ANKRD44: variants seen among roughly 807,000 people sequenced by gnomAD.
The protein encoded by ANKRD44 is ankyrin repeat domain 44.
Under a neutral mutation model 116.0 loss-of-function variants are expected in ANKRD44, and 35 were observed. That is an observed-to-expected ratio of 0.30 (90% CI 0.23 to 0.40). The LOEUF is 0.40. Among genes scored for constraint, ANKRD44 ranks in the 10% least tolerant of loss-of-function variants. The probability of loss-of-function intolerance (pLI) is 1.00; values close to 1 mark genes in which losing one functional copy is unlikely to be tolerated. For synonymous variants in ANKRD44, 435 were observed against 461.8 expected, an observed-to-expected ratio of 0.94 and a Z score of 0.74; for missense variants, 1,014 against 1,242.6, an observed-to-expected ratio of 0.82 and a Z score of 2.77.
At chr2:197,163,524 C>G (rs1435684275) in intron 2 of ANKRD44, among the ~76,000 whole-genome samples, 1 of 152,158 alleles carries the variant, frequency 6.6e-6, no homozygotes, top group African/African-American at 2.4e-5. Flanking sequence ...TTAGAGGCTC[C>G]CATTAGAATG....
intron 1 of ANKRD44, chr2:197,299,598 A>C (rs1272952391): frequency 6.6e-6 from 1 of 152,336 alleles, no homozygotes; most frequent in South Asian, 2.1e-4. Context: ...AACAAACATC[A>C]TATGTTCTCA....
intron 17 of ANKRD44, among the ~76,000 whole-genome samples, chr2:197,016,418 T>C (rs1274028284): frequency 4.5e-5 from 3 of 66,602 alleles, no homozygotes; most frequent in Middle Eastern, 6.0e-3. Flanking sequence ...TCCATTTTTC[T>C]ACATTTTAAT....
At chr2:196,982,980 G>C (rs1189565334), downstream of ANKRD44, among the ~76,000 whole-genome samples, 1 of 152,190 alleles carries the variant, frequency 6.6e-6, no homozygotes, top group Non-Finnish European at 1.5e-5. Flanking sequence ...TGAACAATGG[G>C]AACACATGGA....
chr2:197,222,407 A>G (rs964484262), intron 1 of ANKRD44, among the ~76,000 whole-genome samples: 1 of 152,260 alleles, frequency 6.6e-6, no homozygotes, highest in Non-Finnish European at 1.5e-5. Context: ...ACTTCAAAGA[A>G]GATGGAAGTT....
intron 8 of ANKRD44, among the ~76,000 whole-genome samples, chr2:197,119,031 T>C (rs1413828584): frequency 1.3e-5 from 2 of 152,196 alleles, no homozygotes; most frequent in African/African-American, 4.8e-5. Flanking sequence ...CTTTTTCTTA[T>C]TGATTTGTAT....
At chr2:197,055,999 C>CTCA (rs1413770203) in intron 16 of ANKRD44, among the ~76,000 whole-genome samples, 2 of 152,132 alleles carry the variant, frequency 1.3e-5, no homozygotes, top group East Asian at 3.9e-4. Flanking sequence ...AAGTGATCCT[C>CTCA]TCACCTCAGC....
rs554284842 is a variant in ANKRD44, at chr2:197,298,715, C to T, written c.27+11863G>A. On this transcript the variant is annotated intron_variant, in intron 1 of 27. Transcript: ENST00000282272. ...AGCAGATCACTTGATTCCAGGAGTT[C>T]GAGACCAGCCTGGGCAACATGGTGA... 2.6e-5 allele frequency among the ~76,000 whole-genome samples: 4 copies of T among 152,060 alleles called. No homozygotes were observed. The East Asian group carries it at 5.8e-4, about 22-fold the overall frequency.
At chr2:197,291,258 C>T (rs1196020869) in intron 1 of ANKRD44, among the ~76,000 whole-genome samples, 4 of 152,152 alleles carry the variant, frequency 2.6e-5, no homozygotes, top group South Asian at 2.1e-4. Context: ...GCCTGTAATC[C>T]GAGCACTTTG....
At chr2:197,113,935 T>A (rs891096305) in intron 8 of ANKRD44, among the ~76,000 whole-genome samples, 1 of 152,150 alleles carries the variant, frequency 6.6e-6, no homozygotes, top group Non-Finnish European at 1.5e-5. Flanking sequence ...ACAGAAAGCA[T>A]TAAGAGTATC....
chr2:197,288,287 C>T (rs2083463712), intron 1 of ANKRD44, among the ~76,000 whole-genome samples: 1 of 152,152 alleles, frequency 6.6e-6, no homozygotes, highest in South Asian at 2.1e-4. Context: ...TTCACTACAT[C>T]TGAGAGGAAA....
At chr2:197,113,234 A>C (rs1434815760) in intron 8 of ANKRD44, among the ~76,000 whole-genome samples, 4 of 152,330 alleles carry the variant, frequency 2.6e-5, no homozygotes, top group African/African-American at 9.6e-5. Context: ...CTGATTCCAG[A>C]GCTAGGCCTT....
intron 2 of ANKRD44, among the ~76,000 whole-genome samples, chr2:197,153,270 G>C (rs2079709237): frequency 6.9e-6 from 1 of 145,140 alleles, no homozygotes; most frequent in African/African-American, 2.6e-5. Context: ...AGAAGAGGAA[G>C]AAGAGGAAGA....
intron 16 of ANKRD44, among the ~76,000 whole-genome samples, chr2:197,055,018 T>G (rs2077177546): frequency 1.3e-5 from 2 of 152,186 alleles, no homozygotes; most frequent in African/African-American, 4.8e-5. Context: ...TCTCATTCTC[T>G]AAAGCCCTTT....
intron 1 of ANKRD44, among the ~76,000 whole-genome samples, chr2:197,279,977 C>T (rs2083216681): frequency 6.6e-6 from 1 of 152,218 alleles, no homozygotes. Flanking sequence ...TGAGCCACCA[C>T]TACTATAAGA....
intron 9 of ANKRD44, among the ~76,000 whole-genome samples, chr2:197,108,122 G>A (rs1255701904): frequency 6.6e-6 from 1 of 152,156 alleles, no homozygotes; most frequent in African/African-American, 2.4e-5. Context: ...TTATAAGCGT[G>A]GTGGTTGAGA....
intron 2 of ANKRD44, chr2:197,147,848 G>T (rs1290649290): frequency 2.2e-6 from 1 of 455,324 alleles, no homozygotes. Context: ...TTCTGAGAAT[G>T]TTGACATTAA....
intron 17 of ANKRD44, among the ~76,000 whole-genome samples, chr2:197,022,101 A>C (rs753806806): frequency 3.9e-5 from 6 of 152,176 alleles, no homozygotes; most frequent in African/African-American, 4.8e-5. Flanking sequence ...GTTTGGGGGC[A>C]TCTGGTTCCA....
intron 1 of ANKRD44, among the ~76,000 whole-genome samples, chr2:197,306,867 A>T (rs1193446797): frequency 6.6e-6 from 1 of 152,236 alleles, no homozygotes; most frequent in Non-Finnish European, 1.5e-5. Flanking sequence ...AGGAAGCTCC[A>T]AAAAGGCCAC....
At chr2:197,063,449 C>A (rs529404510) in intron 16 of ANKRD44, among the ~76,000 whole-genome samples, 1 of 152,146 alleles carries the variant, frequency 6.6e-6, no homozygotes, top group Non-Finnish European at 1.5e-5. Context: ...CAAAGCTGGA[C>A]GGAGAACGAC....
Sources: gnomAD v4.1 joint callset for allele counts (sites outside exome capture counted in the v4.1 genomes callset) on GRCh38, gnomAD v4.1.1 for gene constraint, MANE v1.5 for transcripts, NCBI Gene and HGNC (gene_info 2026-07-23, HGNC 2026-07-21) for gene names.